TMEM132D: variants seen among roughly 807,000 people sequenced by gnomAD.
TMEM132D encodes the protein mature OL transmembrane protein.
TMEM132D carries 21 observed loss-of-function variants against 62.3 expected under a neutral mutation model. That is an observed-to-expected ratio of 0.34 (90% confidence interval 0.24 to 0.49). The LOEUF (loss-of-function observed/expected upper bound fraction) is 0.49, where lower values mean the gene tolerates loss of function less well. TMEM132D is among the 20% of genes least tolerant of loss of function. The pLI is 0.99. For synonymous variants in TMEM132D, 621 were observed against 575.6 expected (o/e 1.08, Z -1.13); for missense variants, 1,346 against 1,402.8 (o/e 0.96, Z 0.65).
At chr12:129,807,119 T>G (rs1362837187) in intron 1 of TMEM132D, among the ~76,000 whole-genome samples, 3 of 152,240 alleles carry the variant, frequency 2.0e-5, no homozygotes, top group African/African-American at 7.2e-5. Flanking sequence ...AACATGAAGA[T>G]TTTCTGAATT....
chr12:129,879,454 A>G (rs1874526988), intron 1 of TMEM132D, among the ~76,000 whole-genome samples: 1 of 152,244 alleles, frequency 6.6e-6, no homozygotes, highest in Non-Finnish European at 1.5e-5. Context: ...AACACATCAA[A>G]GAGCTGAAGT....
chr12:129,889,297 G>A (rs543981585), intron 1 of TMEM132D, among the ~76,000 whole-genome samples: 3 of 152,274 alleles, frequency 2.0e-5, no homozygotes, highest in African/African-American at 7.2e-5. Context: ...CCTCTCTGCA[G>A]TTGGATGGCA....
At chr12:129,830,715 AC>A (rs1872803903) in intron 1 of TMEM132D, among the ~76,000 whole-genome samples, 1 of 152,018 alleles carries the variant, frequency 6.6e-6, no homozygotes, top group Non-Finnish European at 1.5e-5. Flanking sequence ...TGGGAGATAA[AC>A]CTCCCAAAAT....
intron 2 of TMEM132D, among the ~76,000 whole-genome samples, chr12:129,617,789 T>C (rs531517481): frequency 1.3e-5 from 2 of 152,234 alleles, no homozygotes; most frequent in East Asian, 3.9e-4. Context: ...AGGGCACTAA[T>C]CCCATTCATG....
chr12:129,572,349 G>T (rs903481766), intron 2 of TMEM132D, among the ~76,000 whole-genome samples: 1 of 152,248 alleles, frequency 6.6e-6, no homozygotes, highest in Non-Finnish European at 1.5e-5. Flanking sequence ...GACGGTGCCC[G>T]GTGTCCCACA....
intron 2 of TMEM132D, among the ~76,000 whole-genome samples, chr12:129,683,240 G>C (rs1236796016): frequency 6.6e-6 from 1 of 152,142 alleles, no homozygotes. Flanking sequence ...TGTTAGAAAG[G>C]GTAGGCTTTC....
chr12:129,589,921 C>T (rs773337798), intron 2 of TMEM132D, among the ~76,000 whole-genome samples: 8 of 152,096 alleles, frequency 5.3e-5, no homozygotes, highest in Admixed American at 5.2e-4. Context: ...TTCTGAATTT[C>T]ATTGTTTTTA....
intron 5 of TMEM132D, among the ~76,000 whole-genome samples, chr12:129,153,472 T>C (rs1877138158): frequency 6.6e-6 from 1 of 151,780 alleles, no homozygotes; most frequent in African/African-American, 2.4e-5. Flanking sequence ...CATCGTGAAA[T>C]GTCAGAACAC....
At chr12:129,894,756 T>C (rs1309887320) in intron 1 of TMEM132D, among the ~76,000 whole-genome samples, 2 of 152,010 alleles carry the variant, frequency 1.3e-5, no homozygotes, top group Non-Finnish European at 2.9e-5. Flanking sequence ...CTTTTTTTTT[T>C]CCTCTGGCAG....
intron 3 of TMEM132D, among the ~76,000 whole-genome samples, chr12:129,373,688 C>A (rs3929573): frequency 6.6e-6 from 1 of 151,852 alleles, no homozygotes; most frequent in Non-Finnish European, 1.5e-5. Flanking sequence ...CATTTAAAAG[C>A]GGCAGGAAGC....
At chr12:129,369,621 T>C (rs1043151866) in intron 3 of TMEM132D, among the ~76,000 whole-genome samples, 2 of 152,208 alleles carry the variant, frequency 1.3e-5, no homozygotes, top group Admixed American at 6.5e-5. Context: ...CACCTAGCCA[T>C]TGAGAGGCTG....
intron 1 of TMEM132D, chr12:129,852,809 T>G (rs1271412321): frequency 1.3e-5 from 2 of 152,164 alleles, no homozygotes; most frequent in Non-Finnish European, 2.9e-5. Flanking sequence ...GTCATTTGTG[T>G]TTTATGCGCT....
chr12:129,243,564 T>C (rs1466016373), intron 4 of TMEM132D, among the ~76,000 whole-genome samples: 3 of 152,160 alleles, frequency 2.0e-5, no homozygotes, highest in Non-Finnish European at 2.9e-5. Flanking sequence ...GCAACAGATA[T>C]ATTTTTTGCA....
intron 1 of TMEM132D, among the ~76,000 whole-genome samples, chr12:129,817,422 G>A (rs1013985568): frequency 2.0e-5 from 3 of 150,480 alleles, no homozygotes; most frequent in Non-Finnish European, 3.0e-5. Flanking sequence ...GGAGAGCATG[G>A]AGAAATAAAG....
At chr12:129,208,068 A>G in intron 5 of TMEM132D, among the ~76,000 whole-genome samples, 1 of 152,178 alleles carries the variant, frequency 6.6e-6, no homozygotes. Context: ...GAGGAGTGAC[A>G]TGGTCATATC....
rs1474120462 is a variant in TMEM132D at position 129,700,297 on chromosome 12, C to T, written c.481G>A (p.Ala161Thr). The T allele has an allele frequency of 3.1e-6, 5 of 1,613,630 alleles. No individual in the cohort carries two copies. The highest frequency in any genetic ancestry group is 4.5e-5 in the East Asian group (2 of 44,864). ...IMGRDWDDRS[A>T]GEKLPCLRVF... ...CTCAGGCACGGCAGCTTCTCCCCGG[C>T]GCTGCGGTCGTCCCAGTCTCTGCCC... The change falls in exon 2 of 9, where the codon GCC (alanine) becomes ACC (threonine). Residue 161 changes from alanine to threonine, a missense_variant. Coordinates refer to ENST00000422113, the MANE Select transcript of TMEM132D (RefSeq NM_133448.3).
At chr12:129,562,212 A>T (rs540657546) in intron 2 of TMEM132D, among the ~76,000 whole-genome samples, 54 of 152,284 alleles carry the variant, frequency 3.5e-4, no homozygotes, top group Non-Finnish European at 6.0e-4. Flanking sequence ...GATTTTCATC[A>T]TTTCACCAGA....
At chr12:129,625,046 C>G (rs1410535479) in intron 2 of TMEM132D, among the ~76,000 whole-genome samples, 1 of 152,210 alleles carries the variant, frequency 6.6e-6, no homozygotes, top group Admixed American at 6.5e-5. Context: ...CATTTTTCAA[C>G]CTGATTGGCA....
At chr12:129,842,097 A>ATTT (rs746315309) in intron 1 of TMEM132D, among the ~76,000 whole-genome samples, 78 of 97,430 alleles carry the variant, frequency 8.0e-4, no homozygotes, top group African/African-American at 2.5e-3. Flanking sequence ...CGCCCGGCTA[A>ATTT]TTTTTTTTTT....
Sources: gnomAD v4.1 joint callset for allele counts (sites outside exome capture counted in the v4.1 genomes callset) on GRCh38, gnomAD v4.1.1 for gene constraint, MANE v1.5 for transcripts, NCBI Gene and HGNC (gene_info 2026-07-23, HGNC 2026-07-21) for gene names.